ILRUN: variants seen among roughly 807,000 people sequenced by gnomAD.
ILRUN encodes the protein protein ILRUN.
In ILRUN, 3 loss-of-function variants were observed where a neutral mutation model predicts 33.8. The ratio of observed to expected loss-of-function variants is 0.09; its 90% CI spans 0.04 to 0.23. The LOEUF is 0.23. Among genes scored for constraint, ILRUN ranks in the 10% least tolerant of loss-of-function variants. ILRUN has a pLI of 1.00. For synonymous variants in ILRUN, 124 were observed against 138.9 expected, an observed-to-expected ratio of 0.89 and a Z score of 0.75; for missense variants, 210 against 375.1, an observed-to-expected ratio of 0.56 and a Z score of 3.64.
At chr6:34,662,124 CAAAAAAA>C (rs57423564) in intron 1 of ILRUN, among the ~76,000 whole-genome samples, 4 of 39,956 alleles carry the variant, frequency 1.0e-4, no homozygotes, top group East Asian at 8.5e-4. Flanking sequence ...GACTCCGTCT[CAAAAAAA>C]AAAAAAAAAA....
chr6:34,652,633 G>C (rs981352085), intron 2 of ILRUN, among the ~76,000 whole-genome samples: 1 of 152,126 alleles, frequency 6.6e-6, no homozygotes, highest in African/African-American at 2.4e-5. Flanking sequence ...CACTTTTATA[G>C]GTTTATTTGA....
At chr6:34,610,414 T>A (rs1761724822) in intron 3 of ILRUN, among the ~76,000 whole-genome samples, 1 of 152,210 alleles carries the variant, frequency 6.6e-6, no homozygotes, top group African/African-American at 2.4e-5. Context: ...CATGCTCTCC[T>A]ATCCTAGCTT....
intron 3 of ILRUN, among the ~76,000 whole-genome samples, chr6:34,634,804 C>T (rs936023168): frequency 1.3e-5 from 2 of 152,112 alleles, no homozygotes; most frequent in Non-Finnish European, 2.9e-5. Context: ...AACCTAAACA[C>T]CTCCAGGTTT....
intron 1 of ILRUN, among the ~76,000 whole-genome samples, chr6:34,683,507 T>TATACAC (rs1763447929): frequency 1.3e-5 from 1 of 74,712 alleles, no homozygotes; most frequent in Non-Finnish European, 2.4e-5. Flanking sequence ...TACATATATA[T>TATACAC]ATATATACAT....
chr6:34,637,669 T>G (rs1762390129), intron 3 of ILRUN, among the ~76,000 whole-genome samples: 1 of 152,208 alleles, frequency 6.6e-6, no homozygotes, highest in African/African-American at 2.4e-5. Context: ...AGTGAAAACA[T>G]TTGATGCTTT....
intron 3 of ILRUN, among the ~76,000 whole-genome samples, chr6:34,633,869 C>T (rs1471186675): frequency 1.3e-5 from 1 of 74,644 alleles, no homozygotes; most frequent in Non-Finnish European, 2.3e-5. Context: ...GGGAGGGAGA[C>T]ATGGAGGGAG....
chr6:34,635,573 G>A (rs59366096), intron 3 of ILRUN, among the ~76,000 whole-genome samples: 17,366 of 115,796 alleles, frequency 0.15, 1,500 homozygotes, highest in African/African-American at 0.22. Flanking sequence ...GGAAGGGAGG[G>A]AGGGAGGGAG....
chr6:34,682,313 G>A lies in ILRUN; in HGVS notation c.158+14133C>T, dbSNP rs112558948. On this transcript the variant is annotated intron_variant, in intron 1 of 4. Coordinates refer to ENST00000374023, the MANE Select transcript of ILRUN (RefSeq NM_024294.4). ...CGCTCTGTCGCCCAGGCTGGAGTGC[G>A]GTGGCGCGATCTCGGCCCACTGCAA... 7.0e-3 allele frequency among the ~76,000 whole-genome samples: 1,029 copies of A among 146,168 alleles called. 13 individuals are homozygous for A. The highest frequency in any genetic ancestry group is 0.022 in the African/African-American group (854 of 39,156).
intron 3 of ILRUN, among the ~76,000 whole-genome samples, chr6:34,611,922 C>T (rs1025592567): frequency 6.6e-6 from 1 of 152,166 alleles, no homozygotes; most frequent in African/African-American, 2.4e-5. Context: ...AAGTCAGTCC[C>T]ATTTCCCAAG....
intron 4 of ILRUN, among the ~76,000 whole-genome samples, chr6:34,603,192 T>C (rs1365383562): frequency 2.6e-5 from 4 of 152,230 alleles, no homozygotes; most frequent in African/African-American, 9.6e-5. Context: ...ACTAGCACCT[T>C]AGGCACCCCT....
chr6:34,623,795 T>C (rs1401593892), intron 3 of ILRUN, among the ~76,000 whole-genome samples: 1 of 152,176 alleles, frequency 6.6e-6, no homozygotes, highest in Non-Finnish European at 1.5e-5. Flanking sequence ...TATATGCAAA[T>C]AGGAAGACAA....
Position 34,616,937 on chromosome 6 carries a change from T to A in ILRUN, c.512-10033A>T, listed in dbSNP as rs555699558. ...GAGGATTGTAGAACCATATATTGCA[T>A]AGGAGTACCCAAATCTGAAGTCAGT... On this transcript the variant is annotated intron_variant, in intron 3 of 4. Coordinates refer to ENST00000374023, the MANE Select transcript of ILRUN (RefSeq NM_024294.4). 1,179 of 579,814 alleles carry A rather than the reference T, an allele frequency of 2.0e-3. 12 individuals are homozygous for A. Among genetic ancestry groups the A allele is most frequent in the Non-Finnish European group, 1.7e-3 (509 of 303,646 alleles). The allele number at this position is 579,814 out of a possible 1,614,324, so 35.9% of individuals were successfully genotyped here. A position where few individuals can be genotyped will look rare whatever the true frequency, so the allele number is the denominator to read the frequency against.
intron 1 of ILRUN, among the ~76,000 whole-genome samples, chr6:34,670,415 A>C (rs1763093487): frequency 1.3e-5 from 2 of 152,234 alleles, no homozygotes; most frequent in Non-Finnish European, 2.9e-5. Flanking sequence ...TATGGTATGC[A>C]AATTATACTT....
chr6:34,657,927 A>T (rs1268790310), intron 1 of ILRUN, among the ~76,000 whole-genome samples: 1 of 152,246 alleles, frequency 6.6e-6, no homozygotes, highest in African/African-American at 2.4e-5. Flanking sequence ...GTGCAGTCTG[A>T]AAGTTTAAAC....
chr6:34,634,284 C>T (rs1479920149), intron 3 of ILRUN, among the ~76,000 whole-genome samples: 1 of 151,908 alleles, frequency 6.6e-6, no homozygotes, highest in Non-Finnish European at 1.5e-5. Context: ...GCATTCACTG[C>T]AGTGTCTAAA....
At chr6:34,642,825 CAA>C (rs57866309) in intron 3 of ILRUN, among the ~76,000 whole-genome samples, 45 of 42,982 alleles carry the variant, frequency 1.0e-3, no homozygotes, top group East Asian at 3.8e-3. Context: ...CCGTCTCTAC[CAA>C]AAAAAAAAAA....
chr6:34,643,318 C>CGT (rs370000161), intron 3 of ILRUN, among the ~76,000 whole-genome samples: 4,422 of 148,776 alleles, frequency 0.03, 155 homozygotes, highest in African/African-American at 0.084. Flanking sequence ...AAAAAAAGTG[C>CGT]GTGTGTGTGT....
intron 3 of ILRUN, among the ~76,000 whole-genome samples, chr6:34,618,363 A>G (rs1761942010): frequency 6.6e-6 from 1 of 152,180 alleles, no homozygotes; most frequent in Non-Finnish European, 1.5e-5. Flanking sequence ...AGTTTGCTAT[A>G]GCCATCTATT....
intron 4 of ILRUN, among the ~76,000 whole-genome samples, chr6:34,601,709 C>CCT (rs1554182770): frequency 6.6e-6 from 1 of 151,752 alleles, no homozygotes; most frequent in Non-Finnish European, 1.5e-5. Flanking sequence ...GTACCCGCCC[C>CCT]CCCAACTACT....
Sources: allele counts gnomAD v4.1 joint callset (sites outside exome capture counted in the v4.1 genomes callset), GRCh38; gene constraint gnomAD v4.1.1; transcripts MANE v1.5; gene names NCBI Gene and HGNC (gene_info 2026-07-23, HGNC 2026-07-21).